MRPL48: variants seen among roughly 807,000 people sequenced by gnomAD.
The protein encoded by MRPL48 is mitochondrial ribosomal protein L48, also known as large ribosomal subunit protein mL48.
Under a neutral mutation model 32.9 loss-of-function variants are expected in MRPL48, and 16 were observed. That is an observed-to-expected ratio of 0.49 (90% confidence interval 0.33 to 0.74). MRPL48 has a LOEUF of 0.74. MRPL48 is among the 30% of genes least tolerant of loss of function. The probability of loss-of-function intolerance (pLI) is 0.02; values close to 1 mark genes in which losing one functional copy is unlikely to be tolerated. For synonymous variants in MRPL48, 94 were observed against 89.2 expected, an observed-to-expected ratio of 1.05 and a Z score of -0.31; for missense variants, 206 against 245.3, an observed-to-expected ratio of 0.84 and a Z score of 1.07.
Position 73,816,320 on chromosome 11 carries a change from C to A in MRPL48, c.112+7970C>A, listed in dbSNP as rs950970006. Among the ~76,000 whole-genome samples the A allele has an allele frequency of 1.2e-3, 176 of 151,342 alleles. 1 individual carries two copies. Among genetic ancestry groups the A allele is most frequent in the African/African-American group, 4.0e-3 (164 of 41,260 alleles). On this transcript the variant is annotated intron_variant, in intron 3 of 7. Coordinates refer to ENST00000310614, the MANE Select transcript of MRPL48 (RefSeq NM_016055.6). ...TCGTGATCCGCCCGCCTCGGCCTCCCAAAGTGCTGGGATACAGGCGTGAGC... is the reference window on the plus strand; with the variant it reads ...TCGTGATCCGCCCGCCTCGGCCTCCAAAAGTGCTGGGATACAGGCGTGAGC...
Position 73,861,364 on chromosome 11 carries a change from TTTTG to T in MRPL48, c.474+1371_474+1374del, listed in dbSNP as rs930205957. Among the ~76,000 whole-genome samples, 5 of 152,064 alleles carry T rather than the reference TTTTG, an allele frequency of 3.3e-5. No individual in the cohort carries two copies. In the East Asian group the frequency reaches 5.8e-4, roughly 18 times the overall value. ...CCACACGTGGAGCTAGTTTGTTTTT[TTTTG>T]TTTGTTTGTTTGTTTTTGGAGACAG... On this transcript the variant is annotated intron_variant, in intron 6 of 7. Transcript: ENST00000310614.
At chr11:73,861,531 A>C (rs970011365) in intron 6 of MRPL48, among the ~76,000 whole-genome samples, 15 of 151,878 alleles carry the variant, frequency 9.9e-5, no homozygotes, top group African/African-American at 3.4e-4. Context: ...CACCATGCCC[A>C]GCTAATTTTG....
At chr11:73,864,223 T>G in intron 7 of MRPL48, 73 bp from the exon 8 acceptor site, 6 of 1,405,938 alleles carry the variant, frequency 4.3e-6, no homozygotes, top group Non-Finnish European at 5.9e-6. Flanking sequence ...GGGCCCTTTT[T>G]GGATGCTGTG....
intron 2 of MRPL48, among the ~76,000 whole-genome samples, chr11:73,807,138 G>T (rs931318660): frequency 1.3e-5 from 2 of 152,032 alleles, no homozygotes; most frequent in Non-Finnish European, 1.5e-5. Context: ...CCAAAGTGCT[G>T]GTATTACAGG....
chr11:73,812,781 G>A (rs992605615), intron 3 of MRPL48, among the ~76,000 whole-genome samples: 5 of 148,862 alleles, frequency 3.4e-5, no homozygotes, highest in Non-Finnish European at 5.9e-5. Flanking sequence ...ACTGAGTCAC[G>A]TTCTGTCACC....
At chr11:73,860,778 TA>T (rs1457525675) in intron 6 of MRPL48, among the ~76,000 whole-genome samples, 2 of 152,230 alleles carry the variant, frequency 1.3e-5, no homozygotes, top group Non-Finnish European at 2.9e-5. Flanking sequence ...GTTTTTAGTA[TA>T]GCCAAAGAGT....
At chr11:73,808,850 G>A (rs868558889) in intron 3 of MRPL48, among the ~76,000 whole-genome samples, 31 of 152,174 alleles carry the variant, frequency 2.0e-4, no homozygotes, top group Middle Eastern at 3.4e-3. Flanking sequence ...TTGAGCTCGG[G>A]AGGCGGAGGT....
intron 1 of MRPL48, among the ~76,000 whole-genome samples, chr11:73,799,026 G>GGTAGTGGT (rs1201130332): frequency 1.3e-5 from 2 of 151,478 alleles, no homozygotes; most frequent in Non-Finnish European, 2.9e-5. Context: ...AAGAAAGGAA[G>GGTAGTGGT]GTAGTGGTGG....
In MRPL48 at chr11:73,845,188, C is replaced by T. The variant is rs1322926456; in HGVS notation, c.371+212C>T. 1.7e-5 allele frequency: 7 copies of T among 410,950 alleles called. No individual in the cohort carries two copies. The Admixed American group carries it at 2.1e-4, about 12-fold the overall frequency. The allele number at this position is 410,950 out of a possible 1,614,324, so 25.5% of individuals were successfully genotyped here. A position where few individuals can be genotyped will look rare whatever the true frequency, so the allele number is the denominator to read the frequency against. On this transcript the variant is annotated intron_variant, in intron 5 of 7. Coordinates refer to ENST00000310614, the MANE Select transcript of MRPL48 (RefSeq NM_016055.6). ...GTCAGTCTTCTCCCTCTTCCCCACT[C>T]AAGTCCCTGGCAACCACAGACCAAT...
intron 3 of MRPL48, among the ~76,000 whole-genome samples, chr11:73,819,854 T>C (rs1947741622): frequency 6.6e-6 from 1 of 152,154 alleles, no homozygotes; most frequent in Non-Finnish European, 1.5e-5. Flanking sequence ...ACCAAGATCA[T>C]GCCACTGCCC....
At chr11:73,829,961 C>T (rs1020210801) in intron 4 of MRPL48, among the ~76,000 whole-genome samples, 2 of 152,016 alleles carry the variant, frequency 1.3e-5, no homozygotes, top group African/African-American at 4.8e-5. Context: ...GGGGTCTCGC[C>T]ATGTTACCCA....
intron 3 of MRPL48, among the ~76,000 whole-genome samples, chr11:73,820,287 C>A (rs1178552634): frequency 2.6e-5 from 4 of 152,058 alleles, no homozygotes; most frequent in Admixed American, 2.6e-4. Context: ...TGCAGTGGTT[C>A]AATCTCTGCT....
intron 4 of MRPL48, among the ~76,000 whole-genome samples, chr11:73,827,745 A>G (rs1947924667): frequency 6.6e-6 from 1 of 152,132 alleles, no homozygotes. Context: ...AGAAACCACT[A>G]ACCTTGCCGT....
chr11:73,803,287 C>T (rs997811700), intron 1 of MRPL48, among the ~76,000 whole-genome samples: 10 of 151,896 alleles, frequency 6.6e-5, no homozygotes, highest in African/African-American at 2.2e-4. Flanking sequence ...CGCACCACCA[C>T]CCCTGGCTAA....
chr11:73,791,879 CTCCT>C (rs1231407020), intron 1 of MRPL48, among the ~76,000 whole-genome samples: 2 of 152,172 alleles, frequency 1.3e-5, no homozygotes, highest in Non-Finnish European at 2.9e-5. Context: ...TAATTCAGTG[CTCCT>C]TCCTTGGGGC....
chr11:73,812,752 A>T (rs866215972), intron 3 of MRPL48, among the ~76,000 whole-genome samples: 34 of 145,996 alleles, frequency 2.3e-4, no homozygotes, highest in East Asian at 1.8e-3. Flanking sequence ...TTATTTATTT[A>T]TTTTTTATTG....
intron 5 of MRPL48, among the ~76,000 whole-genome samples, chr11:73,853,626 C>T (rs759218567): frequency 1.4e-5 from 2 of 145,906 alleles, no homozygotes; most frequent in Non-Finnish European, 3.0e-5. Flanking sequence ...ACTAATGTTA[C>T]TGTTGTAATA....
At chr11:73,861,740 C>G (rs1165327910) in intron 6 of MRPL48, among the ~76,000 whole-genome samples, 1 of 152,210 alleles carries the variant, frequency 6.6e-6, no homozygotes, top group Non-Finnish European at 1.5e-5. Context: ...TCTCTGCCTT[C>G]AAAATCCTCC....
intron 5 of MRPL48, among the ~76,000 whole-genome samples, chr11:73,856,449 A>G (rs1948483321): frequency 6.6e-6 from 1 of 152,072 alleles, no homozygotes; most frequent in African/African-American, 2.4e-5. Context: ...GCTACAACTC[A>G]CCCAGAAGGA....
Sources: allele counts gnomAD v4.1 joint callset (sites outside exome capture counted in the v4.1 genomes callset), GRCh38; gene constraint gnomAD v4.1.1; transcripts MANE v1.5; gene names NCBI Gene and HGNC (gene_info 2026-07-23, HGNC 2026-07-21).